The following ANKMY1 variants were observed in gnomAD, a reference collection of about 807,000 sequenced individuals.
The protein encoded by ANKMY1 is ankyrin repeat and MYND domain-containing protein 1.
In ANKMY1, 98 loss-of-function variants were observed where a neutral mutation model predicts 102.0. The observed-to-expected ratio is 0.96, with a 90% CI of 0.82 to 1.14. The LOEUF is 1.14. ANKMY1 is among the 50% of genes most tolerant of loss of function. The probability of loss-of-function intolerance (pLI) is 0.00; values close to 1 mark genes in which losing one functional copy is unlikely to be tolerated. For synonymous variants in ANKMY1, 582 were observed against 559.9 expected (o/e 1.04, Z -0.56); for missense variants, 1,330 against 1,347.6 (o/e 0.99, Z 0.20).
At chr2:240,487,610 C>T (rs2076196664) in intron 15 of ANKMY1, among the ~76,000 whole-genome samples, 1 of 152,134 alleles carries the variant, frequency 6.6e-6, no homozygotes, top group African/African-American at 2.4e-5. Flanking sequence ...AGTTCCCTTT[C>T]CTTGGCATCC....
chr2:240,518,383 G>T (rs2081556023), intron 9 of ANKMY1, among the ~76,000 whole-genome samples: 1 of 151,900 alleles, frequency 6.6e-6, no homozygotes. Context: ...TTTTTTCTTA[G>T]CCCTCCTAAT....
intron 2 of ANKMY1, 62 bp from the exon 3 acceptor site, chr2:240,555,117 TGAGCACAACCCCC>T (rs2092150546): frequency 5.2e-6 from 8 of 1,541,386 alleles, no homozygotes; most frequent in Non-Finnish European, 7.1e-6. Flanking sequence ...CAGTGACTGC[TGAGCACAACCCCC>T]GAGCACAACC....
intron 1 of ANKMY1, 150 bp downstream of exon 1, chr2:240,557,731 C>T (rs1300839653): frequency 7.2e-6 from 3 of 419,440 alleles, no homozygotes; most frequent in Non-Finnish European, 9.7e-6. Flanking sequence ...GCTCGGGAGA[C>T]GCCGCGCCCA....
chr2:240,507,154 T>C (rs1056859651), intron 13 of ANKMY1, among the ~76,000 whole-genome samples: 6 of 151,852 alleles, frequency 4.0e-5, no homozygotes, highest in African/African-American at 1.5e-4. Context: ...GCCTGTAAAA[T>C]ACTAAAAGCA....
chr2:240,481,312 C>G (rs2075354673), intron 16 of ANKMY1, among the ~76,000 whole-genome samples: 1 of 152,178 alleles, frequency 6.6e-6, no homozygotes, highest in South Asian at 2.1e-4. Context: ...AATAGGAAAC[C>G]AACACATTCC....
rs764690820 is a variant in ANKMY1, at chr2:240,480,946, C to T, written c.3037G>A (p.Val1013Met). The T allele has an allele frequency of 1.2e-5, 19 of 1,607,536 alleles. No individual in the cohort carries two copies. In the African/African-American group the frequency reaches 2.1e-4, roughly 18 times the overall value. Residue 1013 changes from valine (V) to methionine (M), a missense_variant, in exon 17 of 18, where the codon GTG (valine) becomes ATG (methionine). Val to Met is a conservative substitution (Grantham distance 21). Coordinates refer to ENST00000401804, the MANE Select transcript of ANKMY1 (RefSeq NM_001282771.3). ...EFHKKDCGDLVAIVTQLEQVS... is the reference protein window; with the variant it reads ...EFHKKDCGDLMAIVTQLEQVS... ...CTGAGGGCCGACCTACCGATGGCCA[C>T]CAGGTCCCCGCAGTCCTTCTTGTGG...
chr2:240,480,796 C>T lies in ANKMY1; in HGVS notation c.3046+141G>A. 2.4e-6 allele frequency: 3 copies of T among 1,249,226 alleles called. No individual in the cohort carries two copies. The South Asian group carries it at 4.9e-5, about 20-fold the overall frequency. The allele number at this position is 1,249,226 out of a possible 1,614,324, so 77.4% of individuals were successfully genotyped here. The stretch of plus-strand genomic sequence containing the variant: ...GCCCCGATGCCCACCTCCCAACAGG[C>T]CGATCTGGAAATGTTGGGAAAGTGG... On this transcript the variant is annotated intron_variant, in intron 17 of 17. Transcript: ENST00000401804.
chr2:240,509,433 A>C lies in ANKMY1; in HGVS notation c.2309T>G (p.Leu770Arg), dbSNP rs2079708277. The part of the protein sequence containing the change: ...DNKCARDIVR[L>R]LLSHGANPNL... ...AGGATTTGCTCCGTGGGATAGAAGG[A>C]GCCGGACTATGTCCCTGGCACACTG... Residue 770 changes from leucine to arginine, a missense_variant, in exon 12 of 18, where the codon CTC (leucine) becomes CGC (arginine). Leu to Arg is a moderately radical substitution (Grantham distance 102, BLOSUM62 -2). Transcript: ENST00000401804. 6.8e-6 allele frequency: 11 copies of C among 1,613,236 alleles called. No homozygotes were observed. In the East Asian group the frequency reaches 2.5e-4, roughly 36 times the overall value.
At chr2:240,473,849 A>G in the ANKMY1 span, among the ~76,000 whole-genome samples, 1 of 152,236 alleles carries the variant, frequency 6.6e-6, no homozygotes, top group African/African-American at 2.4e-5. Flanking sequence ...CAAACTAGAT[A>G]CAGAAGGAAT....
At chr2:240,498,987 C>G (rs2077680416) in intron 15 of ANKMY1, among the ~76,000 whole-genome samples, 2 of 152,206 alleles carry the variant, frequency 1.3e-5, no homozygotes, top group Admixed American at 1.3e-4. Flanking sequence ...AACCACAAGC[C>G]TATTAAACCT....
intron 6 of ANKMY1, 122 bp downstream of exon 6, chr2:240,526,107 C>A (rs2083333645): frequency 3.2e-6 from 4 of 1,234,670 alleles, no homozygotes; most frequent in Non-Finnish European, 4.6e-6. Context: ...GAGGTGTGGA[C>A]AATCAGTGTC....
At chr2:240,523,675 G>A in intron 8 of ANKMY1, 3 of 778,932 alleles carry the variant, frequency 3.9e-6, no homozygotes, top group South Asian at 1.9e-5. Flanking sequence ...CACAGGGCTG[G>A]GGTGGCACTG....
At chr2:240,519,703 C>G (rs546344885) in intron 9 of ANKMY1, 1 of 173,998 alleles carries the variant, frequency 5.7e-6, no homozygotes, top group East Asian at 1.6e-4. Flanking sequence ...TTTGAACGAG[C>G]TAAGCCCATA....
downstream of ANKMY1, among the ~76,000 whole-genome samples, chr2:240,478,937 C>T (rs1338804111): frequency 2.0e-5 from 3 of 152,150 alleles, no homozygotes; most frequent in African/African-American, 7.2e-5. Context: ...TCTCCAGGTC[C>T]GCCCCTCACT....
chr2:240,502,806 C>T (rs1245236602), intron 13 of ANKMY1, among the ~76,000 whole-genome samples: 3 of 151,846 alleles, frequency 2.0e-5, no homozygotes, highest in Non-Finnish European at 2.9e-5. Context: ...CACTCACCAA[C>T]ACTCTCCTCC....
At chr2:240,526,114 T>C (rs2152382135) in intron 6 of ANKMY1, 115 bp downstream of exon 6, 4 of 1,272,902 alleles carry the variant, frequency 3.1e-6, no homozygotes, top group Non-Finnish European at 3.4e-6. Flanking sequence ...GGACAATCAG[T>C]GTCCCCATGT....
chr2:240,535,950 C>T (rs957246486), intron 4 of ANKMY1, among the ~76,000 whole-genome samples: 13 of 151,134 alleles, frequency 8.6e-5, no homozygotes, highest in Admixed American at 1.3e-4. Flanking sequence ...TTCATAAATA[C>T]AAAAACATTT....
chr2:240,509,146 T>C (rs1488927241), intron 12 of ANKMY1, among the ~76,000 whole-genome samples: 1 of 150,548 alleles, frequency 6.6e-6, no homozygotes, highest in Non-Finnish European at 1.5e-5. Flanking sequence ...GGTGGATGGG[T>C]AGACAGGTGA....
chr2:240,560,444 C>T (rs2092869735), upstream of ANKMY1: 2 of 478,720 alleles, frequency 4.2e-6, no homozygotes, highest in Non-Finnish European at 6.6e-6. Context: ...CGGTCCAAGG[C>T]CCCGGCGCCC....
Sources: allele counts gnomAD v4.1 joint callset (sites outside exome capture counted in the v4.1 genomes callset), GRCh38; gene constraint gnomAD v4.1.1; transcripts MANE v1.5; gene names NCBI Gene and HGNC (gene_info 2026-07-23, HGNC 2026-07-21).